Variants in ERICH3 observed in about 807,000 individuals in gnomAD.
ERICH3 encodes glutamate rich 3.
A neutral mutation model predicts 131.1 loss-of-function variants in ERICH3; 126 were observed. That is an observed-to-expected ratio of 0.96 (90% CI 0.83 to 1.11). ERICH3 has a LOEUF of 1.11. Among genes scored for constraint, ERICH3 ranks in the 50% most tolerant of loss-of-function variants. The probability of loss-of-function intolerance (pLI) is 0.00; values close to 1 mark genes in which losing one functional copy is unlikely to be tolerated. For synonymous variants in ERICH3, 695 were observed against 644.6 expected, an observed-to-expected ratio of 1.08 and a Z score of -1.18; for missense variants, 2,050 against 1,810.7, an observed-to-expected ratio of 1.13 and a Z score of -2.40.
intron 1 of ERICH3, among the ~76,000 whole-genome samples, chr1:74,656,265 T>C (rs1252009102): frequency 6.6e-6 from 1 of 152,148 alleles, no homozygotes; most frequent in Non-Finnish European, 1.5e-5. Context: ...TGTGAGAATA[T>C]GCTGCAGCAC....
At chr1:74,608,189 T>C (rs1430965696) in intron 9 of ERICH3, among the ~76,000 whole-genome samples, 1 of 151,984 alleles carries the variant, frequency 6.6e-6, no homozygotes. Flanking sequence ...AATGTTACAC[T>C]TTGAGCTTAT....
chr1:74,583,534 C>A (rs1323147548), intron 12 of ERICH3, among the ~76,000 whole-genome samples: 1 of 151,930 alleles, frequency 6.6e-6, no homozygotes, highest in Non-Finnish European at 1.5e-5. Flanking sequence ...CTGTACTCAC[C>A]TATTTTCAGA....
At chr1:74,576,785 T>G in intron 13 of ERICH3, 110 bp downstream of exon 13, 3 of 968,592 alleles carry the variant, frequency 3.1e-6, no homozygotes, top group Non-Finnish European at 4.7e-6. Context: ...AGTCATTCAA[T>G]AAATACTAGA....
chr1:74,598,053 C>CT (rs1394667583), intron 11 of ERICH3, among the ~76,000 whole-genome samples: 1 of 151,788 alleles, frequency 6.6e-6, no homozygotes, highest in South Asian at 2.1e-4. Context: ...TAACTTAGGA[C>CT]TTTTTTATTT....
At chr1:74,608,813 A>C (rs887073649) in intron 9 of ERICH3, among the ~76,000 whole-genome samples, 3 of 152,072 alleles carry the variant, frequency 2.0e-5, no homozygotes, top group African/African-American at 7.2e-5. Context: ...TCTTCACAAA[A>C]TGTGATTACT....
chr1:74,613,720 C>CT (rs1648813047), intron 8 of ERICH3, among the ~76,000 whole-genome samples: 5 of 152,150 alleles, frequency 3.3e-5, no homozygotes, highest in Admixed American at 1.3e-4. Flanking sequence ...TTTAATCATT[C>CT]CAAGTCTTTA....
Position 74,606,784 on chromosome 1 carries a change from C to T in ERICH3, c.1306G>A (p.Glu436Lys), listed in dbSNP as rs1349120881. The T allele has an allele frequency of 9.3e-6, 15 of 1,613,386 alleles. No individual in the cohort carries two copies. Among genetic ancestry groups the T allele is most frequent in the Non-Finnish European group, 1.2e-5 (14 of 1,179,542 alleles). The change falls in exon 10 of 15, where the codon GAG (glutamate) becomes AAG (lysine). Residue 436 changes from glutamate (E) to lysine (K), a missense_variant. Glu to Lys is a moderately conservative substitution (Grantham distance 56). Coordinates refer to ENST00000326665, the MANE Select transcript of ERICH3 (RefSeq NM_001002912.5). Reference protein sequence around the residue: ...KAEGKVRKEREYVIPKRNEIK... With the variant: ...KAEGKVRKERKYVIPKRNEIK... ...TCATTTCTTTTTGGTATCACATACT[C>T]TCTCTCTTTCCTCACTTTCCCCTCA...
At chr1:74,614,574 G>A (rs1648871014) in intron 8 of ERICH3, among the ~76,000 whole-genome samples, 3 of 151,724 alleles carry the variant, frequency 2.0e-5, no homozygotes, top group South Asian at 4.2e-4. Context: ...CTACTCGGGA[G>A]GCTGAGGCAG....
chr1:74,652,411 G>C (rs1646543958), intron 1 of ERICH3, among the ~76,000 whole-genome samples: 1 of 152,028 alleles, frequency 6.6e-6, no homozygotes, highest in Non-Finnish European at 1.5e-5. Context: ...CTTGATATGC[G>C]CTTGTAGCCC....
intron 12 of ERICH3, chr1:74,579,454 C>T (rs902969580): frequency 8.1e-6 from 8 of 985,244 alleles, no homozygotes; most frequent in African/African-American, 7.0e-5. Flanking sequence ...GATGTTATCA[C>T]CACTTGCCCA....
chr1:74,601,834 T>C (rs1039405524), intron 10 of ERICH3, among the ~76,000 whole-genome samples: 3 of 151,872 alleles, frequency 2.0e-5, no homozygotes, highest in East Asian at 3.9e-4. Context: ...TATGTGACCG[T>C]GGGCAATTTG....
At chr1:74,616,982 A>G (rs910425355) in intron 8 of ERICH3, among the ~76,000 whole-genome samples, 1 of 152,162 alleles carries the variant, frequency 6.6e-6, no homozygotes, top group African/African-American at 2.4e-5. Flanking sequence ...TGATGTTTTC[A>G]GATATACTTT....
At chr1:74,633,412 A>T (rs1209794207) in intron 6 of ERICH3, among the ~76,000 whole-genome samples, 1 of 151,960 alleles carries the variant, frequency 6.6e-6, no homozygotes, top group Non-Finnish European at 1.5e-5. Context: ...AAAAATAAGT[A>T]AAAAATAATG....
chr1:74,632,563 T>C (rs1646350290), intron 6 of ERICH3, among the ~76,000 whole-genome samples: 3 of 151,778 alleles, frequency 2.0e-5, no homozygotes, highest in South Asian at 2.1e-4. Context: ...TATACACACA[T>C]GCACACACAC....
At chr1:74,666,420 T>G (rs909664322) in intron 1 of ERICH3, among the ~76,000 whole-genome samples, 2 of 152,122 alleles carry the variant, frequency 1.3e-5, no homozygotes, top group Admixed American at 6.5e-5. Flanking sequence ...TCAAAAAAAT[T>G]TTTAATCCTA....
chr1:74,646,825 A>T (rs769120021), intron 2 of ERICH3, 33 bp from the exon 3 acceptor site: 1 of 1,293,466 alleles, frequency 7.7e-7, no homozygotes. Flanking sequence ...ACATAGAAAT[A>T]TAAAATAGAA....
intron 5 of ERICH3, among the ~76,000 whole-genome samples, chr1:74,636,966 T>C (rs182050773): frequency 6.6e-6 from 1 of 152,310 alleles, no homozygotes; most frequent in East Asian, 1.9e-4. Flanking sequence ...ATTTATTCAA[T>C]GGCATCCTTG....
rs751032690 is a variant in ERICH3 at position 74,571,622 on chromosome 1, G to A, written c.4088C>T (p.Ser1363Leu). The A allele has an allele frequency of 4.3e-6, 7 of 1,614,052 alleles. No individual in the cohort carries two copies. The highest frequency in any genetic ancestry group is 2.2e-5 in the South Asian group (2 of 91,072). Residue 1363 changes from serine to leucine, a missense_variant, in exon 14 of 15, where the codon TCG (serine) becomes TTG (leucine). Transcript: ENST00000326665. The part of the protein sequence containing the change: ...AAEEREVLAG[S>L]ETAEEKTIAN... ...TATTGTTTTCTCCTCGGCTGTCTCCGAACCTGCCAACACCTCCCTCTCCTC... is the reference window on the plus strand; with the variant it reads ...TATTGTTTTCTCCTCGGCTGTCTCCAAACCTGCCAACACCTCCCTCTCCTC...
intron 1 of ERICH3, among the ~76,000 whole-genome samples, chr1:74,651,151 A>C (rs1646530542): frequency 1.3e-5 from 2 of 152,110 alleles, no homozygotes; most frequent in Non-Finnish European, 2.9e-5. Context: ...ATTAGCAACA[A>C]TTTTATTTAA....
Sources: allele counts gnomAD v4.1 joint callset (sites outside exome capture counted in the v4.1 genomes callset), GRCh38; gene constraint gnomAD v4.1.1; transcripts MANE v1.5; gene names NCBI Gene and HGNC (gene_info 2026-07-23, HGNC 2026-07-21).